The following RGPD4 variants were observed in gnomAD, a reference collection of about 807,000 sequenced individuals.
RGPD4 encodes the protein RANBP2 like and GRIP domain containing 4.
In RGPD4, 84 loss-of-function variants were observed where a neutral mutation model predicts 141.1. The ratio of observed to expected loss-of-function variants is 0.60; its 90% CI spans 0.50 to 0.71. The LOEUF is 0.71. RGPD4 is among the 30% of genes least tolerant of loss of function. The probability of loss-of-function intolerance (pLI) is 0.00; values close to 1 mark genes in which losing one functional copy is unlikely to be tolerated. For synonymous variants in RGPD4, 298 were observed against 566.8 expected, an observed-to-expected ratio of 0.53 and a Z score of 6.74; for missense variants, 918 against 1,622.4, an observed-to-expected ratio of 0.57 and a Z score of 7.46.
intron 22 of RGPD4, 49 bp downstream of exon 22, chr2:107,882,922 A>G (rs1675407862): frequency 1.8e-6 from 2 of 1,106,126 alleles, no homozygotes; most frequent in East Asian, 2.4e-5. Context: ...CTTAAACTAA[A>G]CAGCCTGGTG....
At chr2:107,877,807 GTT>G (rs1553449754) in intron 20 of RGPD4, among the ~76,000 whole-genome samples, 1 of 150,808 alleles carries the variant, frequency 6.6e-6, no homozygotes, top group Non-Finnish European at 1.5e-5. Context: ...GATGACTAAG[GTT>G]TTTTTTGTTT....
intron 20 of RGPD4, among the ~76,000 whole-genome samples, chr2:107,877,840 A>T (rs4012341): frequency 6.6e-6 from 1 of 151,538 alleles, no homozygotes; most frequent in Non-Finnish European, 1.5e-5. Flanking sequence ...TTTGAGCTGG[A>T]ATCTCGCTCT....
chr2:107,844,186 A>G (rs1285303535), intron 6 of RGPD4, among the ~76,000 whole-genome samples: 1 of 152,010 alleles, frequency 6.6e-6, no homozygotes, highest in Admixed American at 6.6e-5. Flanking sequence ...AAATAACTCA[A>G]CTATGTGATT....
chr2:107,847,157 G>A (rs1396567941), intron 6 of RGPD4, among the ~76,000 whole-genome samples: 8 of 141,744 alleles, frequency 5.6e-5, no homozygotes, highest in African/African-American at 1.4e-4. Flanking sequence ...CGGAAGAATC[G>A]CTTGAACCTG....
intron 1 of RGPD4, among the ~76,000 whole-genome samples, chr2:107,828,706 C>G (rs1396777674): frequency 6.0e-5 from 2 of 33,212 alleles, no homozygotes; most frequent in African/African-American, 1.7e-4. Flanking sequence ...GCAGCGGCCT[C>G]GACCTGGCCG....
At chr2:107,865,931 G>T (rs534042077) in intron 17 of RGPD4, among the ~76,000 whole-genome samples, 1 of 127,534 alleles carries the variant, frequency 7.8e-6, no homozygotes, top group Admixed American at 7.8e-5. Context: ...TTAGCCTGGC[G>T]TGCTGGCTGA....
At chr2:107,827,773 G>C (rs1228077213) in intron 1 of RGPD4, among the ~76,000 whole-genome samples, 2 of 32,190 alleles carry the variant, frequency 6.2e-5, no homozygotes, top group Non-Finnish European at 1.2e-4. Flanking sequence ...GCTCCCTGGC[G>C]CGCTCTGTTG....
In RGPD4 at chr2:107,872,178, C is replaced by G. The variant is rs1281644410; in HGVS notation, c.4174C>G (p.Gln1392Glu). The change falls in exon 20 of 23, where the codon CAA becomes GAA. Residue 1392 changes from glutamine to glutamate, a missense_variant. Coordinates refer to ENST00000408999, the MANE Select transcript of RGPD4 (RefSeq NM_182588.3). ...GATTTTACAGAATTATGATAATAAGCAAGTTCGTATAGTGATGAGAAGGGA... is the reference window on the plus strand; with the variant it reads ...GATTTTACAGAATTATGATAATAAGGAAGTTCGTATAGTGATGAGAAGGGA... Reference protein sequence around the residue: ...IKILQNYDNKQVRIVMRRDQV... With the variant: ...IKILQNYDNKEVRIVMRRDQV... The G allele has an allele frequency of 6.2e-7, 1 of 1,611,324 alleles. No homozygotes were observed. The highest frequency in any genetic ancestry group is 1.3e-5 in the African/African-American group (1 of 74,408).
At chr2:107,827,120 C>G (rs748346480) in intron 1 of RGPD4, 35 bp downstream of exon 1, 58 of 1,565,560 alleles carry the variant, frequency 3.7e-5, no homozygotes, top group African/African-American at 5.4e-5. Flanking sequence ...CGGCCTCGAC[C>G]TGGCCGGGCG....
At chr2:107,827,311 G>A (rs1276107283) in intron 1 of RGPD4, among the ~76,000 whole-genome samples, 24 of 134,778 alleles carry the variant, frequency 1.8e-4, no homozygotes, top group Admixed American at 2.9e-4. Context: ...CTCTGTTGAG[G>A]CGGCGGCCTC....
chr2:107,887,887 AC>A (rs1675556659), intron 22 of RGPD4, among the ~76,000 whole-genome samples: 1 of 62,922 alleles, frequency 1.6e-5, no homozygotes, highest in East Asian at 2.6e-4. Context: ...TCTCAATTTT[AC>A]TACTCAAGCC....
At chr2:107,882,337 T>C (rs181367336) in intron 21 of RGPD4, among the ~76,000 whole-genome samples, 3 of 152,016 alleles carry the variant, frequency 2.0e-5, no homozygotes, top group Non-Finnish European at 4.4e-5. Context: ...TTCACCCCTC[T>C]TCCTTCCAAC....
intron 6 of RGPD4, among the ~76,000 whole-genome samples, chr2:107,845,654 C>G (rs1439254081): frequency 6.6e-6 from 1 of 152,412 alleles, no homozygotes; most frequent in South Asian, 2.1e-4. Context: ...TTGTGAACCT[C>G]CCAGGTTCAC....
intron 1 of RGPD4, among the ~76,000 whole-genome samples, chr2:107,828,322 G>T (rs1477737321): frequency 8.2e-4 from 21 of 25,626 alleles, no homozygotes; most frequent in Non-Finnish European, 1.1e-3. Flanking sequence ...CGGCGGCCTC[G>T]ACCCGGCCCG....
At chr2:107,873,120 A>T (rs1165728603) in intron 20 of RGPD4, among the ~76,000 whole-genome samples, 192 bp downstream of exon 20, 1 of 56,614 alleles carries the variant, frequency 1.8e-5, no homozygotes, top group Non-Finnish European at 3.5e-5. Context: ...GAACTTAGTT[A>T]AAGACATTTC....
intron 21 of RGPD4, 35 bp downstream of exon 21, chr2:107,880,142 C>A: frequency 6.2e-7 from 1 of 1,611,322 alleles, no homozygotes; most frequent in Non-Finnish European, 8.5e-7. Context: ...ATGAAAACTG[C>A]CAATTTGGTT....
rs199695825 is a variant in RGPD4 at position 107,870,984 on chromosome 2, A to C, written c.2980A>C (p.Lys994Gln). The change falls in exon 20 of 23, where the codon AAG (lysine) becomes CAG (glutamine). Residue 994 changes from lysine (K) to glutamine (Q), a missense_variant. By Grantham distance (53) the Lys-to-Gln change is moderately conservative. Coordinates refer to ENST00000408999, the MANE Select transcript of RGPD4 (RefSeq NM_182588.3). ...FQFGKKDPNFKGFSGAGEKLF... is the reference protein window; with the variant it reads ...FQFGKKDPNFQGFSGAGEKLF... ...GTTTGGCAAAAAAGACCCCAATTTC[A>C]AGGGATTTTCAGGTGCTGGAGAAAA... 21,002 of 1,610,624 alleles carry C rather than the reference A, an allele frequency of 0.013. 192 individuals carry two copies. The highest frequency in any genetic ancestry group is 0.016 in the Non-Finnish European group (18,901 of 1,179,580).
At chr2:107,885,579 A>C (rs942304297) in intron 22 of RGPD4, among the ~76,000 whole-genome samples, 2 of 152,210 alleles carry the variant, frequency 1.3e-5, no homozygotes, top group African/African-American at 4.8e-5. Flanking sequence ...CCAGAACTCT[A>C]AGATGTGCAT....
At chr2:107,886,594 CAGAA>C (rs1396482449) in intron 22 of RGPD4, among the ~76,000 whole-genome samples, 17 of 151,370 alleles carry the variant, frequency 1.1e-4, no homozygotes, top group African/African-American at 4.1e-4. Context: ...TCTAAGATGC[CAGAA>C]AGAAAGACAT....
Sources: gnomAD v4.1 joint callset for allele counts (sites outside exome capture counted in the v4.1 genomes callset) on GRCh38, gnomAD v4.1.1 for gene constraint, MANE v1.5 for transcripts, NCBI Gene and HGNC (gene_info 2026-07-23, HGNC 2026-07-21) for gene names.